Variants in FNIP1 observed in about 807,000 individuals in gnomAD.
FNIP1 encodes folliculin interacting protein 1.
A neutral mutation model predicts 124.5 loss-of-function variants in FNIP1; 40 were observed. That is an observed-to-expected ratio of 0.32 (90% CI 0.25 to 0.42). The LOEUF (loss-of-function observed/expected upper bound fraction) is 0.42, where lower values mean the gene tolerates loss of function less well. Ranked by LOEUF, FNIP1 falls within the 10% of genes least tolerant of loss-of-function variation. The probability of loss-of-function intolerance (pLI) is 1.00; values close to 1 mark genes in which losing one functional copy is unlikely to be tolerated. For missense variants in FNIP1, 1,176 were observed against 1,403.7 expected (o/e 0.84, Z 2.59); for synonymous variants, 472 against 470.6 (o/e 1.00, Z -0.04).
chr5:131,703,367 A>T (rs1255075899), intron 10 of FNIP1, among the ~76,000 whole-genome samples: 3 of 152,262 alleles, frequency 2.0e-5, no homozygotes, highest in Non-Finnish European at 2.9e-5. Flanking sequence ...AGTGATCCTC[A>T]TAAATAATGT....
chr5:131,693,822 A>G (rs932634421), intron 11 of FNIP1, among the ~76,000 whole-genome samples: 7 of 152,148 alleles, frequency 4.6e-5, no homozygotes, highest in Non-Finnish European at 7.3e-5. Context: ...AATCTGACAA[A>G]GAACTGGTAT....
At chr5:131,662,888 C>T (rs540511487) in intron 15 of FNIP1, among the ~76,000 whole-genome samples, 4 of 151,996 alleles carry the variant, frequency 2.6e-5, no homozygotes, top group South Asian at 2.1e-4. Flanking sequence ...TACAGGCATG[C>T]GCCATTGTGC....
Position 131,671,647 on chromosome 5 carries a change from T to A in FNIP1, c.2797A>T (p.Ile933Phe). ...KKIAVGTEWD[I>F]PRNESSDSAL... ...CTGTCTGAACTTTCATTTCTTGGAA[T>A]GTCCCATTCAGTTCCTACAGCAATT... Residue 933 changes from isoleucine to phenylalanine, a missense_variant, in exon 14 of 18, where the codon ATT becomes TTT. This residue lies in a region of FNIP1 where 1,109 missense variants were observed against 1,288.5 expected (regional missense o/e 0.86). Coordinates refer to ENST00000510461, the MANE Select transcript of FNIP1 (RefSeq NM_133372.3). The A allele has an allele frequency of 6.2e-7, 1 of 1,614,192 alleles. No individual in the cohort carries two copies. The highest frequency in any genetic ancestry group is 1.3e-5 in the African/African-American group (1 of 75,078).
intron 7 of FNIP1, among the ~76,000 whole-genome samples, chr5:131,709,895 T>G (rs1459210517): frequency 6.6e-6 from 1 of 152,140 alleles, no homozygotes; most frequent in African/African-American, 2.4e-5. Context: ...TTGATACCAA[T>G]CTGAGAACAA....
intron 15 of FNIP1, among the ~76,000 whole-genome samples, chr5:131,666,766 GC>G (rs1767615509): frequency 6.6e-6 from 1 of 152,104 alleles, no homozygotes; most frequent in Non-Finnish European, 1.5e-5. Flanking sequence ...TCCTATAATA[GC>G]AGGAAGAAAC....
chr5:131,702,187 T>C (rs1414373586), intron 10 of FNIP1, among the ~76,000 whole-genome samples: 3 of 152,178 alleles, frequency 2.0e-5, no homozygotes, highest in Non-Finnish European at 4.4e-5. Context: ...ATGATGTTTT[T>C]TATTTTACTA....
At chr5:131,688,309 CTA>C (rs997333763) in intron 11 of FNIP1, among the ~76,000 whole-genome samples, 14 of 148,642 alleles carry the variant, frequency 9.4e-5, no homozygotes, top group African/African-American at 3.2e-4. Context: ...AAAAAGGAAA[CTA>C]TGGGAAAGTG....
chr5:131,660,103 T>C (rs1227611175), intron 15 of FNIP1, among the ~76,000 whole-genome samples: 1 of 152,018 alleles, frequency 6.6e-6, no homozygotes, highest in South Asian at 2.1e-4. Context: ...AGCACAGCAA[T>C]ATCATTATCC....
At chr5:131,721,951 T>C (rs1769680563) in intron 3 of FNIP1, among the ~76,000 whole-genome samples, 1 of 152,236 alleles carries the variant, frequency 6.6e-6, no homozygotes, top group Non-Finnish European at 1.5e-5. Context: ...ACTTTTTACC[T>C]ACCAAGTATC....
Position 131,692,916 on chromosome 5 carries a change from G to A in FNIP1, c.1202+6001C>T, listed in dbSNP as rs553792911. ...CCAGCAACTTGGGAAGATGGGGCAT[G>A]AGAATCACTTGAACCCAGGAGGTGG... On this transcript the variant is annotated intron_variant, in intron 11 of 17. Transcript: ENST00000510461. Among the ~76,000 whole-genome samples, 10 of 151,900 alleles carry A rather than the reference G, an allele frequency of 6.6e-5. No individual in the cohort carries two copies. In the South Asian group the frequency reaches 2.1e-3, roughly 32 times the overall value.
Position 131,672,878 on chromosome 5 carries a change from A to G in FNIP1, c.1566T>C (p.Thr522=). Residue 522 remains threonine, a synonymous_variant, in exon 14 of 18, where the codon ACT becomes ACC. Transcript: ENST00000510461. ...TGTCTTGTCGTTTGCCAACTACCAC[A>G]GTCCTTGCTAACCGTACGGGAGAGC... ...AIGSPVRLAR[T]VVVGKRQDMV... The G allele has an allele frequency of 6.3e-7, 1 of 1,598,112 alleles. No individual in the cohort carries two copies. Among genetic ancestry groups the G allele is most frequent in the Non-Finnish European group, 8.5e-7 (1 of 1,173,250 alleles).
At chr5:131,739,991 C>A (rs1770460732) in intron 2 of FNIP1, among the ~76,000 whole-genome samples, 1 of 152,004 alleles carries the variant, frequency 6.6e-6, no homozygotes, top group African/African-American at 2.4e-5. Flanking sequence ...AGACACTACC[C>A]CCACCCCAAA....
At chr5:131,766,980 G>A (rs576077996) in intron 1 of FNIP1, among the ~76,000 whole-genome samples, 257 of 152,074 alleles carry the variant, frequency 1.7e-3, no homozygotes, top group African/African-American at 5.6e-3. Flanking sequence ...AAATCTCCTC[G>A]GGAAACACTC....
chr5:131,723,169 T>C (rs955810253), intron 3 of FNIP1, among the ~76,000 whole-genome samples: 4 of 152,266 alleles, frequency 2.6e-5, no homozygotes, highest in Admixed American at 2.0e-4. Flanking sequence ...AAATAGCTAT[T>C]TAAAAAATCA....
Position 131,704,114 on chromosome 5 carries a change from A to C in FNIP1, c.1067T>G (p.Phe356Cys). 6.2e-7 allele frequency: 1 copy of C among 1,612,888 alleles called. No homozygotes were observed. ...NKFNEFFFSH[F>C]PLFESHMNKL... The stretch of plus-strand genomic sequence containing the variant: ...GTTCATGTGGCTTTCAAAGAGAGGA[A>C]AATGTGAAAAAAAGAATTCATTAAA... The change falls in exon 10 of 18, where the codon TTT (phenylalanine) becomes TGT (cysteine). Residue 356 changes from phenylalanine (F) to cysteine (C), a missense_variant. Physicochemically the swap from Phe to Cys is radical, Grantham distance 205 (BLOSUM62 -2). This residue lies in a region of FNIP1 where 1,109 missense variants were observed against 1,288.5 expected (regional missense o/e 0.86). Coordinates refer to ENST00000510461, the MANE Select transcript of FNIP1 (RefSeq NM_133372.3).
chr5:131,765,099 G>A lies in FNIP1; in HGVS notation c.93-20409C>T, dbSNP rs190590953. ...TAGCCAAGTATGCTGGTGCACGCCT[G>A]TAGTCCCAGCTACTTGGGAGGCTGA... On this transcript the variant is annotated intron_variant, in intron 1 of 17. Coordinates refer to ENST00000510461, the MANE Select transcript of FNIP1 (RefSeq NM_133372.3). 4.9e-4 allele frequency among the ~76,000 whole-genome samples: 74 copies of A among 152,222 alleles called. 1 individual carries two copies. Among genetic ancestry groups the A allele is most frequent in the Non-Finnish European group, 8.7e-4 (59 of 68,000 alleles).
At chr5:131,791,258 C>A (rs1222126916) in intron 1 of FNIP1, among the ~76,000 whole-genome samples, 1 of 152,130 alleles carries the variant, frequency 6.6e-6, no homozygotes, top group Non-Finnish European at 1.5e-5. Flanking sequence ...CAGGATATCA[C>A]CATTTTGCAA....
intron 15 of FNIP1, among the ~76,000 whole-genome samples, chr5:131,668,067 G>A (rs1174175926): frequency 1.3e-5 from 2 of 151,996 alleles, no homozygotes; most frequent in South Asian, 4.1e-4. Flanking sequence ...AAATCAGCAC[G>A]GACATAAAAG....
chr5:131,652,661 C>A (rs1767075224), intron 15 of FNIP1, among the ~76,000 whole-genome samples: 1 of 152,144 alleles, frequency 6.6e-6, no homozygotes, highest in Non-Finnish European at 1.5e-5. Flanking sequence ...ATTTTAAAAA[C>A]AGAACAGGAC....
Sources: allele counts gnomAD v4.1 joint callset (sites outside exome capture counted in the v4.1 genomes callset), GRCh38; gene constraint gnomAD v4.1.1; regional missense constraint gnomAD v4.1.1; transcripts MANE v1.5; gene names NCBI Gene and HGNC (gene_info 2026-07-23, HGNC 2026-07-21).